MARCHF10: variants seen among roughly 807,000 people sequenced by gnomAD.
MARCHF10 encodes the protein membrane associated ring-CH-type finger 10.
Under a neutral mutation model 76.2 loss-of-function variants are expected in MARCHF10, and 64 were observed. That is an observed-to-expected ratio of 0.84 (90% CI 0.69 to 1.03). The LOEUF (loss-of-function observed/expected upper bound fraction) is 1.03, where lower values mean the gene tolerates loss of function less well. Ranked by LOEUF, MARCHF10 falls within the 50% of genes least tolerant of loss-of-function variation. The pLI, the probability that MARCHF10 is intolerant of heterozygous loss-of-function variation, is 0.00. For missense variants in MARCHF10, 875 were observed against 958.0 expected, an observed-to-expected ratio of 0.91 and a Z score of 1.14; for synonymous variants, 340 against 357.5, an observed-to-expected ratio of 0.95 and a Z score of 0.55.
intron 10 of MARCHF10, among the ~76,000 whole-genome samples, chr17:62,704,020 A>AGGCGTCTCCGGGGCGGGGCTGGGGAGGG (rs1325833170): frequency 6.6e-6 from 1 of 152,026 alleles, no homozygotes; most frequent in African/African-American, 2.4e-5. Flanking sequence ...GGGAAAAGCG[A>AGGCGTCTCCGGGGCGGGGCTGGGGAGGG]GGCGTCTCCG....
At chr17:62,771,747 T>C (rs1294346451) in intron 3 of MARCHF10, among the ~76,000 whole-genome samples, 1 of 151,714 alleles carries the variant, frequency 6.6e-6, no homozygotes, top group Non-Finnish European at 1.5e-5. Context: ...CAGCTAATTT[T>C]TGTATTTTTA....
intron 8 of MARCHF10, among the ~76,000 whole-genome samples, chr17:62,716,692 C>CAA (rs57272099): frequency 0.016 from 2,101 of 129,856 alleles, 26 homozygotes; most frequent in Middle Eastern, 0.027. Context: ...TAAACAAAAG[C>CAA]AAAAAAAAAA....
intron 4 of MARCHF10, among the ~76,000 whole-genome samples, chr17:62,755,957 T>TA (rs925968479): frequency 2.0e-5 from 3 of 149,364 alleles, no homozygotes; most frequent in Admixed American, 6.7e-5. Flanking sequence ...CCATAAAAAG[T>TA]AAAAAAAATG....
chr17:62,762,996 A>T (rs1354708295), intron 3 of MARCHF10, among the ~76,000 whole-genome samples: 2 of 152,172 alleles, frequency 1.3e-5, no homozygotes, highest in African/African-American at 4.8e-5. Context: ...TGCACATAGT[A>T]ATTGTGTGAC....
At chr17:62,728,973 T>C (rs2090889324) in intron 6 of MARCHF10, among the ~76,000 whole-genome samples, 1 of 152,210 alleles carries the variant, frequency 6.6e-6, no homozygotes, top group Non-Finnish European at 1.5e-5. Flanking sequence ...TCTCACTCTA[T>C]TGTCCAGGCC....
intron 5 of MARCHF10, chr17:62,737,672 C>T (rs1405495540): frequency 6.8e-5 from 16 of 235,450 alleles, no homozygotes; most frequent in South Asian, 3.2e-4. Context: ...TTGTTCCATA[C>T]GTACTGAAAG....
chr17:62,788,342 C>T (rs2092779352), intron 3 of MARCHF10, 138 bp downstream of exon 3: 1 of 1,162,076 alleles, frequency 8.6e-7, no homozygotes, highest in Non-Finnish European at 1.2e-6. Flanking sequence ...CTGCCCCTGG[C>T]TCTCCCTGCC....
intron 2 of MARCHF10, among the ~76,000 whole-genome samples, chr17:62,791,837 C>T (rs58862628): frequency 0.42 from 60,501 of 143,990 alleles, 14,333 homozygotes; most frequent in East Asian, 0.65. Context: ...TTGTGCGGGG[C>T]GGGTGGGGGG....
chr17:62,750,018 G>C (rs949589135), intron 4 of MARCHF10: 1 of 152,382 alleles, frequency 6.6e-6, no homozygotes, highest in Admixed American at 6.5e-5. Flanking sequence ...CTCCTTTGGC[G>C]CTAGAAGGTG....
intron 4 of MARCHF10, chr17:62,747,076 T>A: frequency 1.2e-6 from 1 of 828,148 alleles, no homozygotes; most frequent in Non-Finnish European, 1.9e-6. Context: ...TCTCTCCAAC[T>A]AGCCTGCACG....
At position 62,701,543 on chromosome 17, in the gene MARCHF10, C is replaced by T; in HGVS notation, c.*160G>A. 2 of 1,508,072 alleles carry T rather than the reference C, an allele frequency of 1.3e-6. No homozygotes were observed. The highest frequency in any genetic ancestry group is 1.8e-6 in the Non-Finnish European group (2 of 1,123,358). The allele number at this position is 1,508,072 out of a possible 1,614,324, so 93.4% of individuals were successfully genotyped here. ...GTCGCTGTGGCTGCCCATAGATGCTCAAGCCAGACCCCAAAAGAGAGTGGC... is the reference window on the plus strand; with the variant it reads ...GTCGCTGTGGCTGCCCATAGATGCTTAAGCCAGACCCCAAAAGAGAGTGGC... On this transcript the variant is annotated 3_prime_UTR_variant, in exon 11 of 11. Transcript: ENST00000311269.
chr17:62,757,916 T>C (rs2092092881), intron 4 of MARCHF10, among the ~76,000 whole-genome samples: 2 of 152,222 alleles, frequency 1.3e-5, no homozygotes, highest in African/African-American at 4.8e-5. Context: ...GTCAGTGCTA[T>C]AAGTTCCATA....
rs117540852 is a variant in MARCHF10 at position 62,753,468 on chromosome 17, C to T, written c.382+6367G>A. On this transcript the variant is annotated intron_variant, in intron 4 of 10. Coordinates refer to ENST00000311269, the MANE Select transcript of MARCHF10 (RefSeq NM_152598.4). Reference sequence around the variant, plus strand: ...AATATCCCTGAGATCTTCTTCAATGCAGGTTCTGAGCCAGTCAGTCTGGAC... The same window carrying T: ...AATATCCCTGAGATCTTCTTCAATGTAGGTTCTGAGCCAGTCAGTCTGGAC... Among the ~76,000 whole-genome samples the T allele has an allele frequency of 2.2e-3, 341 of 152,312 alleles. 2 individuals carry two copies. Among genetic ancestry groups the T allele is most frequent in the Non-Finnish European group, 3.6e-3 (245 of 68,020 alleles).
chr17:62,792,813 A>G (rs1282636473), intron 2 of MARCHF10, among the ~76,000 whole-genome samples: 12 of 122,600 alleles, frequency 9.8e-5, no homozygotes, highest in African/African-American at 3.7e-4. Context: ...CTCCATCACC[A>G]CCACCACCAC....
chr17:62,717,165 C>T (rs868383651), intron 8 of MARCHF10, among the ~76,000 whole-genome samples: 2 of 152,250 alleles, frequency 1.3e-5, no homozygotes, highest in South Asian at 4.1e-4. Context: ...TCCCTGGGGC[C>T]TGGGGTTTCG....
At chr17:62,786,493 G>T (rs1408983781) in intron 3 of MARCHF10, among the ~76,000 whole-genome samples, 3 of 152,140 alleles carry the variant, frequency 2.0e-5, no homozygotes, top group Non-Finnish European at 4.4e-5. Flanking sequence ...TAACAAACCT[G>T]CACGTTGTGC....
chr17:62,715,621 T>G (rs2147638333), intron 8 of MARCHF10, among the ~76,000 whole-genome samples: 1 of 152,268 alleles, frequency 6.6e-6, no homozygotes, highest in Middle Eastern at 3.4e-3. Context: ...CACACAGCAC[T>G]ACCGAAAGAG....
intron 8 of MARCHF10, among the ~76,000 whole-genome samples, chr17:62,716,721 T>C: frequency 6.6e-6 from 1 of 151,144 alleles, no homozygotes; most frequent in Admixed American, 6.6e-5. Flanking sequence ...AGTGGGAAAA[T>C]ATATAAGAAA....
In MARCHF10 at chr17:62,744,503, T is replaced by C; in HGVS notation, c.408A>G (p.Leu136=). ...TCCTCAGGTTTGGCTTCCTCTTTCT[T>C]AATAAAACCATTGGTGCTTGGTCTG... ...SPADQAPMVL[L]RKRKPNLRRF... The change falls in exon 5 of 11, where the codon TTA becomes TTG. Residue 136 remains leucine (L), a synonymous_variant. Coordinates refer to ENST00000311269, the MANE Select transcript of MARCHF10 (RefSeq NM_152598.4). 1 of 1,614,180 alleles carries C rather than the reference T, an allele frequency of 6.2e-7. No homozygotes were observed. The highest frequency in any genetic ancestry group is 8.5e-7 in the Non-Finnish European group (1 of 1,180,030).
Sources: allele counts gnomAD v4.1 joint callset (sites outside exome capture counted in the v4.1 genomes callset), GRCh38; gene constraint gnomAD v4.1.1; transcripts MANE v1.5; gene names NCBI Gene and HGNC (gene_info 2026-07-23, HGNC 2026-07-21).